Variants in CAMK1 observed in about 807,000 individuals in gnomAD.
CAMK1 encodes the protein calcium/calmodulin dependent protein kinase I.
In CAMK1, 39 loss-of-function variants were observed where a neutral mutation model predicts 49.1. The observed-to-expected ratio is 0.79, with a 90% CI of 0.62 to 1.04. The LOEUF (loss-of-function observed/expected upper bound fraction) is 1.04. Among genes scored for constraint, CAMK1 ranks in the 50% least tolerant of loss-of-function variants. The probability of loss-of-function intolerance (pLI) is 0.00; values close to 1 mark genes in which losing one functional copy is unlikely to be tolerated. For synonymous variants in CAMK1, 192 were observed against 185.2 expected, an observed-to-expected ratio of 1.04 and a Z score of -0.30; for missense variants, 457 against 472.2, an observed-to-expected ratio of 0.97 and a Z score of 0.30.
intron 3 of CAMK1, among the ~76,000 whole-genome samples, chr3:9,763,997 T>C (rs917826728): frequency 6.6e-6 from 1 of 151,956 alleles, no homozygotes; most frequent in East Asian, 1.9e-4. Context: ...AAAAAAAATA[T>C]ATATATATAG....
chr3:9,759,094 C>T, intron 10 of CAMK1: 16 of 1,039,408 alleles, frequency 1.5e-5, no homozygotes, highest in Non-Finnish European at 2.4e-5. Flanking sequence ...TCCCCTCAGC[C>T]CCTCCAGTCT....
At chr3:9,764,845 G>A (rs1206111643) in intron 3 of CAMK1, among the ~76,000 whole-genome samples, 1 of 151,750 alleles carries the variant, frequency 6.6e-6, no homozygotes, top group East Asian at 1.9e-4. Context: ...TTGGTCAGGC[G>A]ATAATTGATC....
chr3:9,758,070 T>C (rs370036205), intron 10 of CAMK1: 3 of 576,104 alleles, frequency 5.2e-6, no homozygotes, highest in South Asian at 2.8e-5. Context: ...TATATATAAA[T>C]AGAAACATAA....
In CAMK1 at chr3:9,765,882, A is replaced by G; in HGVS notation, c.92T>C (p.Phe31Ser). Residue 31 changes from phenylalanine (F) to serine (S), a missense_variant, in exon 3 of 12, where the codon TTC (phenylalanine) becomes TCC (serine). Coordinates refer to ENST00000256460, the MANE Select transcript of CAMK1 (RefSeq NM_003656.5). ...ATCTTCTGCCAGGATCACCTCCGAG[A>G]AGGCCCCCCTATCGGGAGAGGGGAT... is the stretch of plus-strand genomic sequence containing the variant. ...DFRDVLGTGA[F>S]SEVILAEDKR... is the part of the protein sequence containing the mutation. The G allele has an allele frequency of 6.2e-7, 1 of 1,613,922 alleles. No homozygotes were observed. The highest frequency in any genetic ancestry group is 8.5e-7 in the Non-Finnish European group (1 of 1,179,940).
chr3:9,761,657 G>A lies in CAMK1; in HGVS notation c.530C>T (p.Thr177Ile). 6.2e-7 allele frequency: 1 copy of A among 1,614,182 alleles called. No individual in the cohort carries two copies. Among genetic ancestry groups the A allele is most frequent in the Non-Finnish European group, 8.5e-7 (1 of 1,180,028 alleles). ...KMEDPGSVLS[T>I]ACGTPGYVAP... ...CACGTATCCCGGAGTTCCACAGGCGGTGGAGAGCACACTGCCCGGGTCCTC... is the reference window on the plus strand; with the variant it reads ...CACGTATCCCGGAGTTCCACAGGCGATGGAGAGCACACTGCCCGGGTCCTC... The change falls in exon 6 of 12, where the codon ACC (threonine) becomes ATC (isoleucine). Residue 177 changes from threonine to isoleucine, a missense_variant. By Grantham distance (89) the Thr-to-Ile change is moderately conservative. Coordinates refer to ENST00000256460, the MANE Select transcript of CAMK1 (RefSeq NM_003656.5).
rs377254029 is a variant in CAMK1, at chr3:9,760,025, G to A, written c.746-275C>T. On this transcript the variant is annotated intron_variant, in intron 8 of 11. Transcript: ENST00000256460. ...TGGGAGGCCAATGCAGGTGGATCAC[G>A]AGGTCAGGAGTTCAAGACCAGCCTG... 2.5e-4 allele frequency: 90 copies of A among 354,780 alleles called. No individual in the cohort carries two copies. The East Asian group carries it at 4.6e-3, about 18-fold the overall frequency. The allele number at this position is 354,780 out of a possible 1,614,324, so 22.0% of individuals were successfully genotyped here. A position where few individuals can be genotyped will look rare whatever the true frequency, so the allele number is the denominator to read the frequency against.
chr3:9,759,895 CTCT>C, intron 8 of CAMK1, 145 bp from the exon 9 acceptor site: 4 of 1,387,350 alleles, frequency 2.9e-6, no homozygotes, highest in South Asian at 1.2e-5. Context: ...CCAACCTATG[CTCT>C]TCTTCAGGCC....
chr3:9,757,619 G>C lies in CAMK1; in HGVS notation c.1033C>G (p.Pro345Ala), dbSNP rs777325548. The stretch of plus-strand genomic sequence containing the variant: ...TCTCGACAGCAACAGCCAGCTGCCG[G>C]CCCTGCATGGGAAGACAGAACAGAG... ...GELLTPVAGG[P>A]AAGCCCRDCC... The change falls in exon 12 of 12, where the codon CCG (proline) becomes GCG (alanine). Residue 345 changes from proline (P) to alanine (A), a missense_variant and splice_region_variant. Transcript: ENST00000256460. The surrounding 1 kb of genome is among the most constrained non-coding windows in gnomAD (Gnocchi z 4.5). 65 of 1,614,074 alleles carry C rather than the reference G, an allele frequency of 4.0e-5. No individual in the cohort carries two copies. The highest frequency in any genetic ancestry group is 5.4e-5 in the Non-Finnish European group (64 of 1,180,038).
intron 5 of CAMK1, 196 bp from the exon 6 acceptor site, chr3:9,761,953 G>T (rs1354036193): frequency 5.8e-6 from 4 of 691,382 alleles, no homozygotes; most frequent in African/African-American, 1.8e-5. Flanking sequence ...AGAGGGTGTG[G>T]GGGGGAACTG....
intron 2 of CAMK1, chr3:9,766,599 A>G: frequency 9.8e-7 from 1 of 1,024,174 alleles, no homozygotes; most frequent in South Asian, 2.1e-5. Flanking sequence ...TTTAAGAAGC[A>G]GTGTTTTAGA....
intron 8 of CAMK1, 115 bp from the exon 9 acceptor site, chr3:9,759,865 C>T: frequency 6.4e-7 from 1 of 1,569,942 alleles, no homozygotes. Context: ...GAGGCCAAAT[C>T]AGTCCATGCC....
At chr3:9,758,877 AC>A (rs2077713501) in intron 10 of CAMK1, 4 of 359,086 alleles carry the variant, frequency 1.1e-5, no homozygotes, top group Non-Finnish European at 2.1e-5. Flanking sequence ...TGATCCAACC[AC>A]CTCGGCCTCC....
At position 9,759,549 on chromosome 3, in the gene CAMK1, T is replaced by G; in HGVS notation, c.851A>C (p.Lys284Thr). 6.2e-7 allele frequency: 1 copy of G among 1,614,144 alleles called. No individual in the cohort carries two copies. The highest frequency in any genetic ancestry group is 1.1e-5 in the South Asian group (1 of 91,076). The change falls in exon 10 of 12, where the codon AAG (lysine) becomes ACG (threonine). Residue 284 changes from lysine to threonine, a missense_variant. Coordinates refer to ENST00000256460, the MANE Select transcript of CAMK1 (RefSeq NM_003656.5). ...PWIAGDTALD[K>T]NIHQSVSEQI... Reference sequence around the variant, plus strand: ...CTCACTCACCGACTGGTGGATATTCTTATCTAGAGCTGTATCTCCTGCAAT... The same window carrying G: ...CTCACTCACCGACTGGTGGATATTCGTATCTAGAGCTGTATCTCCTGCAAT...
intron 7 of CAMK1, 186 bp from the exon 8 acceptor site, chr3:9,760,954 GC>G: frequency 2.4e-6 from 2 of 844,076 alleles, no homozygotes; most frequent in Non-Finnish European, 3.5e-6. Context: ...TGTATGTGCC[GC>G]CATCTTGCCC....
chr3:9,765,977 C>A (rs747091571), intron 2 of CAMK1, 87 bp from the exon 3 acceptor site: 1 of 1,614,206 alleles, frequency 6.2e-7, no homozygotes, highest in Non-Finnish European at 8.5e-7. Context: ...GTTCTGTGAC[C>A]ACTGCTGGAC....
Position 9,759,667 on chromosome 3 carries a change from C to G in CAMK1, c.824+5G>C. 2 of 1,614,236 alleles carry G rather than the reference C, an allele frequency of 1.2e-6. No individual in the cohort carries two copies. The highest frequency in any genetic ancestry group is 1.7e-6 in the Non-Finnish European group (2 of 1,180,042). On this transcript the variant is annotated splice_donor_5th_base_variant and intron_variant, in intron 9 of 11. Transcript: ENST00000256460. ...CCCCAGCTCACAGGTTGTGTGAATTCTCACCATGGGTGCTGCAAGGCCTGC... is the reference window on the plus strand; with the variant it reads ...CCCCAGCTCACAGGTTGTGTGAATTGTCACCATGGGTGCTGCAAGGCCTGC...
chr3:9,768,635 C>T (rs1201484260), intron 1 of CAMK1, among the ~76,000 whole-genome samples: 1 of 152,228 alleles, frequency 6.6e-6, no homozygotes, highest in Non-Finnish European at 1.5e-5. Context: ...ATGGCCTTGG[C>T]TGGTACTTCC....
intron 1 of CAMK1, among the ~76,000 whole-genome samples, chr3:9,769,196 TA>T (rs991691458): frequency 1.3e-5 from 2 of 150,912 alleles, no homozygotes; most frequent in East Asian, 2.0e-4. Context: ...AGCTCCCTCT[TA>T]CACCCCAAAA....
intron 6 of CAMK1, 44 bp downstream of exon 6, chr3:9,761,587 T>C: frequency 6.2e-7 from 1 of 1,613,470 alleles, no homozygotes. Flanking sequence ...CTTCAACTCC[T>C]GGTTCCCCCC....
Sources: gnomAD v4.1 joint callset for allele counts (sites outside exome capture counted in the v4.1 genomes callset) on GRCh38, gnomAD v4.1.1 for gene constraint, Gnocchi (gnomAD v3.1) non-coding constraint, MANE v1.5 for transcripts, NCBI Gene and HGNC (gene_info 2026-07-23, HGNC 2026-07-21) for gene names.